The following SNX8 variants were observed in gnomAD, a reference collection of about 807,000 sequenced individuals.
SNX8 encodes the protein sorting nexin 8, also known as sorting nexin-8.
SNX8 carries 25 observed loss-of-function variants against 51.6 expected under a neutral mutation model. That is an observed-to-expected ratio of 0.48 (90% CI 0.35 to 0.68). The LOEUF is 0.68. Ranked by LOEUF, SNX8 falls within the 30% of genes least tolerant of loss-of-function variation. The probability of loss-of-function intolerance (pLI) is 0.00; values close to 1 mark genes in which losing one functional copy is unlikely to be tolerated. For missense variants in SNX8, 695 were observed against 624.0 expected (o/e 1.11, Z -1.21); for synonymous variants, 324 against 277.0 (o/e 1.17, Z -1.68).
chr7:2,313,528 A>AG (rs1387731377), intron 1 of SNX8, among the ~76,000 whole-genome samples: 2 of 142,702 alleles, frequency 1.4e-5, no homozygotes, highest in Non-Finnish European at 3.0e-5. Flanking sequence ...TGTCTCAAAA[A>AG]AAAAAAAAAA....
chr7:2,268,569 TG>T (rs1795550804), intron 5 of SNX8, among the ~76,000 whole-genome samples: 2 of 107,022 alleles, frequency 1.9e-5, no homozygotes, highest in Admixed American at 9.2e-5. Flanking sequence ...GCCCCCCGCC[TG>T]GCCAGCCGCC....
In SNX8 at chr7:2,264,330, C is replaced by T. The variant is rs754544348; in HGVS notation, c.750G>A (p.Ala250=). The change falls in exon 6 of 11, where the codon GCG becomes GCA. Residue 250 remains alanine, a synonymous_variant. Transcript: ENST00000222990. Reference sequence around the variant, plus strand: ...CCTTCCCGAATATGAGAAGATCTGCCGCATTGTCGATGGCCCGCGATGCGA... The same window carrying T: ...CCTTCCCGAATATGAGAAGATCTGCTGCATTGTCGATGGCCCGCGATGCGA... ...ERIASRAIDN[A]ADLLIFGKEL... is the part of the protein sequence containing the mutation. The T allele has an allele frequency of 6.8e-6, 11 of 1,612,534 alleles. No homozygotes were observed. Among genetic ancestry groups the T allele is most frequent in the East Asian group, 4.5e-5 (2 of 44,878 alleles).
chr7:2,269,653 A>C lies in SNX8; in HGVS notation c.541-14T>G, dbSNP rs1166054644. On this transcript the variant is annotated splice_polypyrimidine_tract_variant and intron_variant, in intron 4 of 10. Coordinates refer to ENST00000222990, the MANE Select transcript of SNX8 (RefSeq NM_013321.4). ...GTTCTGCACATCCTGCAAAAGGAAA[A>C]CACACAGCTTCACCCTCTTCTACTA... 5 of 1,576,390 alleles carry C rather than the reference A, an allele frequency of 3.2e-6. No homozygotes were observed. Among genetic ancestry groups the C allele is most frequent in the Non-Finnish European group, 4.3e-6 (5 of 1,159,046 alleles).
chr7:2,338,851 C>G (rs1210992127), intron 1 of SNX8, among the ~76,000 whole-genome samples: 2 of 152,082 alleles, frequency 1.3e-5, no homozygotes, highest in African/African-American at 4.8e-5. Context: ...TCACTTGAGT[C>G]TGGGAGTTTA....
chr7:2,267,975 G>T, intron 5 of SNX8, among the ~76,000 whole-genome samples: 1 of 147,326 alleles, frequency 6.8e-6, no homozygotes, highest in Non-Finnish European at 1.5e-5. Flanking sequence ...CCCCATCTGG[G>T]ATGTGAGGAG....
At chr7:2,323,920 G>GAC (rs1479220090) in intron 1 of SNX8, among the ~76,000 whole-genome samples, 1 of 151,924 alleles carries the variant, frequency 6.6e-6, no homozygotes, top group Non-Finnish European at 1.5e-5. Flanking sequence ...AAGAGTTCGA[G>GAC]ACCAGCCTAG....
rs146649533 is a variant in SNX8 at position 2,278,047 on chromosome 7, C to T, written c.300+53G>A. The stretch of plus-strand genomic sequence containing the variant: ...CCACTCCTGCCCTGAGATGTTGAGA[C>T]GTGACCCTTTCTTCCCCCTCCTGCC... On this transcript the variant is annotated intron_variant, in intron 2 of 10. Coordinates refer to ENST00000222990, the MANE Select transcript of SNX8 (RefSeq NM_013321.4). 119 of 1,584,356 alleles carry T rather than the reference C, an allele frequency of 7.5e-5. No homozygotes were observed. The African/African-American group carries it at 1.1e-3, about 15-fold the overall frequency.
intron 1 of SNX8, among the ~76,000 whole-genome samples, chr7:2,313,323 C>G (rs1417338358): frequency 6.6e-6 from 1 of 151,488 alleles, no homozygotes; most frequent in African/African-American, 2.4e-5. Context: ...GTCAGGAGTT[C>G]GAGACCAGCC....
chr7:2,301,762 C>A (rs1228607724), intron 1 of SNX8, among the ~76,000 whole-genome samples: 1 of 152,150 alleles, frequency 6.6e-6, no homozygotes, highest in Non-Finnish European at 1.5e-5. Flanking sequence ...TTCAGCTAGT[C>A]CTCAATTTCG....
At chr7:2,258,978 C>T (rs1747545972) in intron 7 of SNX8, among the ~76,000 whole-genome samples, 2 of 152,172 alleles carry the variant, frequency 1.3e-5, no homozygotes, top group Admixed American at 6.5e-5. Context: ...CACCCAGACG[C>T]TGCCTCGGCC....
intron 1 of SNX8, among the ~76,000 whole-genome samples, chr7:2,346,619 A>G (rs558129999): frequency 7.0e-4 from 103 of 146,780 alleles, no homozygotes; most frequent in South Asian, 2.4e-3. Flanking sequence ...GGTGGTGGGC[A>G]CCTGTAGTCC....
At chr7:2,351,765 A>G (rs1037375491) in intron 1 of SNX8, among the ~76,000 whole-genome samples, 14 of 151,552 alleles carry the variant, frequency 9.2e-5, no homozygotes, top group African/African-American at 3.4e-4. Context: ...CGGGAGGTGG[A>G]GCTTGCAGTG....
intron 4 of SNX8, among the ~76,000 whole-genome samples, chr7:2,270,088 G>C (rs570010829): frequency 6.6e-6 from 1 of 152,016 alleles, no homozygotes; most frequent in African/African-American, 2.4e-5. Context: ...CATCCATGGC[G>C]CCAGGGACAC....
At chr7:2,312,296 A>C (rs189334690) in intron 1 of SNX8, among the ~76,000 whole-genome samples, 1 of 152,292 alleles carries the variant, frequency 6.6e-6, no homozygotes, top group Admixed American at 6.5e-5. Flanking sequence ...ACTTCTGTGA[A>C]GCCTGAAGGA....
Position 2,321,774 on chromosome 7 carries a change from T to C in SNX8, c.-66+32448A>G, listed in dbSNP as rs1290909472. On this transcript the variant is annotated intron_variant, in intron 1 of 5. Transcript: ENST00000435336. ...GCTTGTCACCCAGGCTGGAGTGCAA[T>C]GTTGCGATCTCGGATCTCGGCTCAC... Among the ~76,000 whole-genome samples the C allele has an allele frequency of 9.2e-5, 12 of 130,400 alleles. No individual in the cohort carries two copies. The East Asian group carries it at 2.9e-3, about 32-fold the overall frequency. The allele number at this position is 130,400 out of a possible 152,430, so 85.5% of individuals were successfully genotyped here. A position where few individuals can be genotyped will look rare whatever the true frequency, so the allele number is the denominator to read the frequency against.
intron 1 of SNX8, among the ~76,000 whole-genome samples, chr7:2,331,125 G>A (rs1672995888): frequency 7.0e-6 from 1 of 143,880 alleles, no homozygotes; most frequent in Admixed American, 7.5e-5. Flanking sequence ...GGCGAAAGTT[G>A]CAGTGAGCAA....
In SNX8 at chr7:2,268,394, C is replaced by G. The variant is rs1480165282; in HGVS notation, c.621+1165G>C. ...GAGCCTCTCCGCCCGGCAGCCACCC[C>G]ATCTGGGAAGTGAGGAGCGTCTCCG... On this transcript the variant is annotated intron_variant, in intron 5 of 10. Transcript: ENST00000222990. Among the ~76,000 whole-genome samples the G allele has an allele frequency of 5.2e-3, 742 of 142,408 alleles. 19 individuals are homozygous for G. Among genetic ancestry groups the G allele is most frequent in the Admixed American group, 0.047 (668 of 14,336 alleles). 93.4% of individuals were successfully genotyped at this position (142,408 alleles called of 152,430 possible). A position where few individuals can be genotyped will look rare whatever the true frequency, so the allele number is the denominator to read the frequency against.
intron 1 of SNX8, among the ~76,000 whole-genome samples, chr7:2,306,680 GAA>G (rs949534435): frequency 2.6e-5 from 4 of 152,000 alleles, no homozygotes; most frequent in Non-Finnish European, 5.9e-5. Flanking sequence ...CAATGCACAG[GAA>G]AAAAGGAAAT....
intron 1 of SNX8, among the ~76,000 whole-genome samples, chr7:2,349,635 C>T (rs1309492384): frequency 6.6e-6 from 1 of 151,740 alleles, no homozygotes; most frequent in African/African-American, 2.4e-5. Context: ...TGAGATTTCA[C>T]CATGTTGTCT....
Sources: gnomAD v4.1 joint callset for allele counts (sites outside exome capture counted in the v4.1 genomes callset) on GRCh38, gnomAD v4.1.1 for gene constraint, MANE v1.5 for transcripts, NCBI Gene and HGNC (gene_info 2026-07-23, HGNC 2026-07-21) for gene names.